GPBP1L1: variants seen among roughly 807,000 people sequenced by gnomAD.
GPBP1L1 encodes GC-rich promoter binding protein 1 like 1.
In GPBP1L1, 23 loss-of-function variants were observed where a neutral mutation model predicts 52.5. The observed-to-expected ratio is 0.44, with a 90% CI of 0.32 to 0.62. GPBP1L1 has a LOEUF of 0.62. Ranked by LOEUF, GPBP1L1 falls within the 20% of genes least tolerant of loss-of-function variation. The probability of loss-of-function intolerance (pLI) is 0.06; values close to 1 mark genes in which losing one functional copy is unlikely to be tolerated. For synonymous variants in GPBP1L1, 243 were observed against 203.1 expected (o/e 1.20, Z -1.67); for missense variants, 596 against 579.3 (o/e 1.03, Z -0.30).
intron 2 of GPBP1L1, among the ~76,000 whole-genome samples, chr1:45,663,444 G>C (rs1359112688): frequency 6.6e-6 from 1 of 152,146 alleles, no homozygotes; most frequent in Non-Finnish European, 1.5e-5. Flanking sequence ...CTATAGCAGA[G>C]TCCCAACTTA....
At chr1:45,630,681 G>A (rs888535896) in intron 10 of GPBP1L1, 75 bp from the exon 11 acceptor site, 2 of 1,528,052 alleles carry the variant, frequency 1.3e-6, no homozygotes, top group African/African-American at 2.8e-5. Context: ...ATGAAATCAA[G>A]GACTCACGAC....
Position 45,632,088 on chromosome 1 carries a change from T to C in GPBP1L1, c.1044+1401A>G, listed in dbSNP as rs145113623. ...ACAAAAAAAATTCCAGAAAATAGTATACTCTTTCATCCTCACAGGTCTAAT... is the reference window on the plus strand; with the variant it reads ...ACAAAAAAAATTCCAGAAAATAGTACACTCTTTCATCCTCACAGGTCTAAT... On this transcript the variant is annotated intron_variant, in intron 10 of 12. Coordinates refer to ENST00000355105, the MANE Select transcript of GPBP1L1 (RefSeq NM_021639.5). Among the ~76,000 whole-genome samples the C allele has an allele frequency of 2.0e-3, 299 of 152,232 alleles. 1 individual carries two copies. The highest frequency in any genetic ancestry group is 6.9e-3 in the African/African-American group (285 of 41,548).
chr1:45,673,380 C>T (rs1645098259), intron 2 of GPBP1L1, among the ~76,000 whole-genome samples: 1 of 152,180 alleles, frequency 6.6e-6, no homozygotes, highest in African/African-American at 2.4e-5. Flanking sequence ...AGCAGAGCTT[C>T]CCAGCAGAGT....
At chr1:45,659,925 A>G (rs1644928901) in intron 3 of GPBP1L1, among the ~76,000 whole-genome samples, 1 of 152,150 alleles carries the variant, frequency 6.6e-6, no homozygotes, top group African/African-American at 2.4e-5. Flanking sequence ...TGGGTGACAG[A>G]GTGAGACCCT....
chr1:45,687,974 T>C (rs1289670904), upstream of GPBP1L1: 2 of 152,326 alleles, frequency 1.3e-5, no homozygotes, highest in East Asian at 3.9e-4. Flanking sequence ...GTACTTGCAC[T>C]CTACTTACCC....
At chr1:45,630,761 C>T (rs1029568529) in intron 10 of GPBP1L1, 155 bp from the exon 11 acceptor site, 13 of 606,092 alleles carry the variant, frequency 2.1e-5, no homozygotes, top group Admixed American at 4.8e-5. Context: ...TGAGGACCTG[C>T]TGCATCAACA....
intron 1 of GPBP1L1, among the ~76,000 whole-genome samples, 164 bp from the exon 2 acceptor site, chr1:45,685,784 G>C (rs1012148521): frequency 1.3e-5 from 2 of 152,138 alleles, no homozygotes; most frequent in African/African-American, 4.8e-5. Context: ...GGGTTGGGGA[G>C]AACTAGATTT....
Position 45,628,373 on chromosome 1 carries a change from C to G in GPBP1L1, c.1308G>C (p.Leu436Phe), listed in dbSNP as rs1239063257. 1 of 1,613,836 alleles carries G rather than the reference C, an allele frequency of 6.2e-7. No homozygotes were observed. Among genetic ancestry groups the G allele is most frequent in the Non-Finnish European group, 8.5e-7 (1 of 1,180,006 alleles). ...RRNGFGKNGF[L>F]QSRSSSLFSP... ...AGAACAGACTGGAACTGCGGCTCTG[C>G]AAGAAGCCATTCTTTCCAAAGCCAT... The change falls in exon 13 of 13, where the codon TTG becomes TTC. Residue 436 changes from leucine (L) to phenylalanine (F), a missense_variant. By Grantham distance (22) the Leu-to-Phe change is conservative. Coordinates refer to ENST00000355105, the MANE Select transcript of GPBP1L1 (RefSeq NM_021639.5).
At chr1:45,636,240 ACT>A (rs1644592593) in intron 8 of GPBP1L1, among the ~76,000 whole-genome samples, 2 of 151,704 alleles carry the variant, frequency 1.3e-5, no homozygotes, top group Admixed American at 1.3e-4. Flanking sequence ...CTGATGCTTC[ACT>A]CTCTCAGTTC....
rs780962835 is a variant in GPBP1L1, at chr1:45,640,254, C to T, written c.700G>A (p.Val234Ile). The change falls in exon 8 of 13, where the codon GTC becomes ATC. Residue 234 changes from valine to isoleucine, a missense_variant. By Grantham distance (29) the Val-to-Ile change is conservative (BLOSUM62 3). Transcript: ENST00000355105. The part of the protein sequence containing the change: ...GNKLSSVVPS[V>I]YKNLVPKPVP... ...GGCTTAGGAACCAGGTTCTTATAGA[C>T]ACTTGGAACCACGGATGACAATTTG... The T allele has an allele frequency of 2.4e-5, 39 of 1,614,126 alleles. No individual in the cohort carries two copies. In the South Asian group the frequency reaches 4.2e-4, roughly 17 times the overall value.
intron 7 of GPBP1L1, 130 bp from the exon 8 acceptor site, chr1:45,640,533 T>C (rs1644658826): frequency 6.9e-6 from 5 of 723,120 alleles, no homozygotes; most frequent in Non-Finnish European, 1.2e-5. Flanking sequence ...CATTCCCTGG[T>C]ATGCACTTAA....
At chr1:45,657,449 TCGCCTG>T (rs1644898140) in intron 4 of GPBP1L1, among the ~76,000 whole-genome samples, 1 of 152,020 alleles carries the variant, frequency 6.6e-6, no homozygotes, top group Non-Finnish European at 1.5e-5. Context: ...GGTAGGAGGA[TCGCCTG>T]AGCCAGGGAA....
intron 9 of GPBP1L1, 175 bp from the exon 10 acceptor site, chr1:45,633,822 A>G: frequency 1.4e-6 from 1 of 716,036 alleles, no homozygotes; most frequent in Non-Finnish European, 2.2e-6. Flanking sequence ...TATATAGTTA[A>G]GAGCAGCTGG....
At chr1:45,678,708 TATAG>T (rs1223433394) in intron 2 of GPBP1L1, among the ~76,000 whole-genome samples, 1 of 152,168 alleles carries the variant, frequency 6.6e-6, no homozygotes, top group Non-Finnish European at 1.5e-5. Context: ...ACTAAAAAGA[TATAG>T]ATAAAGTAAA....
At chr1:45,628,752 C>T (rs1644490838) in intron 12 of GPBP1L1, among the ~76,000 whole-genome samples, 1 of 152,196 alleles carries the variant, frequency 6.6e-6, no homozygotes, top group African/African-American at 2.4e-5. Flanking sequence ...CATCCTCCGC[C>T]TCCTGGGTTC....
At chr1:45,676,119 AATTCTT>A (rs1257707700) in intron 2 of GPBP1L1, among the ~76,000 whole-genome samples, 1 of 152,136 alleles carries the variant, frequency 6.6e-6, no homozygotes, top group African/African-American at 2.4e-5. Flanking sequence ...TTTTATTTCT[AATTCTT>A]AACAGAAAAG....
chr1:45,675,302 A>G (rs531836419), intron 2 of GPBP1L1, among the ~76,000 whole-genome samples: 64 of 152,068 alleles, frequency 4.2e-4, no homozygotes, highest in Non-Finnish European at 8.4e-4. Context: ...TCTCAAAAAA[A>G]ATAAAAATAA....
rs1168834047 is a variant in GPBP1L1, at chr1:45,627,602, CTT to C, written c.*652_*653del. The C allele has an allele frequency of 1.3e-5, 2 of 152,308 alleles. No individual in the cohort carries two copies. The highest frequency in any genetic ancestry group is 1.9e-4 in the East Asian group (1 of 5,194). 9.4% of individuals were successfully genotyped at this position (152,308 alleles called of 1,614,324 possible). A position where few individuals can be genotyped will look rare whatever the true frequency, so the allele number is the denominator to read the frequency against. ...CTGTAAATAATGTTATCAAAATAATCTTAATCTTTGAAATCTCACAAAAATTT... is the reference window on the plus strand; with the variant it reads ...CTGTAAATAATGTTATCAAAATAATCAATCTTTGAAATCTCACAAAAATTT... On this transcript the variant is annotated 3_prime_UTR_variant, in exon 13 of 13. Transcript: ENST00000355105.
At chr1:45,634,632 T>A (rs1644571757) in intron 8 of GPBP1L1, 1 of 156,352 alleles carries the variant, frequency 6.4e-6, no homozygotes, top group Admixed American at 6.4e-5. Flanking sequence ...AAACTTTTTT[T>A]AGTAGTGTTT....
Sources: allele counts gnomAD v4.1 joint callset (sites outside exome capture counted in the v4.1 genomes callset), GRCh38; gene constraint gnomAD v4.1.1; transcripts MANE v1.5; gene names NCBI Gene and HGNC (gene_info 2026-07-23, HGNC 2026-07-21).